KALRN: variants seen among roughly 807,000 people sequenced by gnomAD.
The protein encoded by KALRN is kalirin RhoGEF kinase, also known as kalirin.
A neutral mutation model predicts 353.7 loss-of-function variants in KALRN; 70 were observed. The ratio of observed to expected loss-of-function variants is 0.20; its 90% CI spans 0.16 to 0.24. KALRN has a LOEUF of 0.24. Among genes scored for constraint, KALRN ranks in the 10% least tolerant of loss-of-function variants. The probability of loss-of-function intolerance (pLI) is 1.00; values close to 1 mark genes in which losing one functional copy is unlikely to be tolerated. For synonymous variants in KALRN, 1,391 were observed against 1,434.8 expected, an observed-to-expected ratio of 0.97 and a Z score of 0.69; for missense variants, 2,791 against 3,756.7, an observed-to-expected ratio of 0.74 and a Z score of 6.72.
At chr3:124,160,031 G>T (rs1378982544) in intron 1 of KALRN, among the ~76,000 whole-genome samples, 1 of 151,740 alleles carries the variant, frequency 6.6e-6, no homozygotes, top group Non-Finnish European at 1.5e-5. Context: ...AGGAAGGTGG[G>T]TGTACTGAGT....
At chr3:124,661,789 A>C in intron 44 of KALRN, 62 bp from the exon 45 acceptor site, 2 of 1,314,744 alleles carry the variant, frequency 1.5e-6, no homozygotes, top group Non-Finnish European at 2.2e-6. Flanking sequence ...GCACTGAATT[A>C]CCAAGAGCTT....
chr3:124,642,053 G>C (rs979984315), intron 37 of KALRN, among the ~76,000 whole-genome samples: 1 of 152,226 alleles, frequency 6.6e-6, no homozygotes, highest in Non-Finnish European at 1.5e-5. Flanking sequence ...AGGCCAAAGC[G>C]GGCAGATTGC....
At chr3:124,356,483 G>A (rs1293066525) in intron 10 of KALRN, among the ~76,000 whole-genome samples, 5 of 151,696 alleles carry the variant, frequency 3.3e-5, no homozygotes, top group Admixed American at 2.0e-4. Context: ...ACAGGTGCCC[G>A]CCACCACACT....
At chr3:124,552,283 C>T (rs956527389) in intron 33 of KALRN, among the ~76,000 whole-genome samples, 2 of 152,216 alleles carry the variant, frequency 1.3e-5, no homozygotes, top group African/African-American at 4.8e-5. Context: ...CTTACAGAGG[C>T]AGGTTGTTCC....
intron 1 of KALRN, among the ~76,000 whole-genome samples, chr3:124,091,672 C>T (rs1273634537): frequency 6.6e-6 from 1 of 152,146 alleles, no homozygotes; most frequent in Non-Finnish European, 1.5e-5. Flanking sequence ...TGTTGCTGGC[C>T]TGGTGTCACT....
chr3:124,403,574 G>A (rs1223278394), intron 13 of KALRN, among the ~76,000 whole-genome samples: 1 of 152,196 alleles, frequency 6.6e-6, no homozygotes, highest in African/African-American at 2.4e-5. Context: ...AAAACAAATA[G>A]GGGCCAGGCT....
intron 33 of KALRN, among the ~76,000 whole-genome samples, chr3:124,556,621 C>T (rs560487026): frequency 1.7e-4 from 26 of 152,232 alleles, no homozygotes; most frequent in East Asian, 3.9e-4. Context: ...ACTGTCTATC[C>T]GCTCCCCCAT....
intron 11 of KALRN, 145 bp downstream of exon 11, chr3:124,385,181 T>C (rs2088035696): frequency 1.6e-6 from 1 of 618,790 alleles, no homozygotes; most frequent in African/African-American, 1.8e-5. Flanking sequence ...AACAATTCAT[T>C]CCTGATAGCC....
intron 34 of KALRN, among the ~76,000 whole-genome samples, chr3:124,594,777 C>T (rs1302195403): frequency 1.3e-5 from 2 of 152,098 alleles, no homozygotes; most frequent in East Asian, 3.9e-4. Flanking sequence ...CAGCCTTTAT[C>T]TCTCCTCCCC....
intron 1 of KALRN, among the ~76,000 whole-genome samples, chr3:124,136,642 T>C (rs1322293735): frequency 2.0e-5 from 3 of 152,164 alleles, no homozygotes; most frequent in African/African-American, 7.2e-5. Flanking sequence ...CTTTAGGGTC[T>C]CCTCACAGGG....
intron 1 of KALRN, among the ~76,000 whole-genome samples, chr3:124,166,282 T>A (rs548012072): frequency 2.6e-5 from 4 of 152,304 alleles, no homozygotes; most frequent in Non-Finnish European, 4.4e-5. Context: ...GATAGCGACT[T>A]TGTTTAGTGG....
At chr3:124,446,706 T>A in intron 20 of KALRN, 57 bp from the exon 21 acceptor site, 6 of 1,608,602 alleles carry the variant, frequency 3.7e-6, no homozygotes, top group Non-Finnish European at 5.1e-6. Flanking sequence ...TAGTATGGCA[T>A]GTTTTCCTAC....
intron 5 of KALRN, among the ~76,000 whole-genome samples, chr3:124,280,933 G>C (rs2075281167): frequency 6.6e-6 from 1 of 152,064 alleles, no homozygotes; most frequent in Non-Finnish European, 1.5e-5. Context: ...TTCCCAAGGA[G>C]AGCAAAAGCC....
chr3:124,161,978 A>G (rs1022643457), intron 1 of KALRN, among the ~76,000 whole-genome samples: 1 of 152,212 alleles, frequency 6.6e-6, no homozygotes, highest in Non-Finnish European at 1.5e-5. Flanking sequence ...AAATACTGGG[A>G]CTTGTATTGT....
intron 1 of KALRN, among the ~76,000 whole-genome samples, chr3:124,156,495 G>A (rs920621876): frequency 6.6e-6 from 1 of 152,174 alleles, no homozygotes; most frequent in African/African-American, 2.4e-5. Flanking sequence ...CATGTTAGCT[G>A]AGTATTTTGT....
intron 34 of KALRN, among the ~76,000 whole-genome samples, chr3:124,605,907 T>G (rs775633226): frequency 3.9e-5 from 6 of 152,282 alleles, no homozygotes; most frequent in African/African-American, 1.4e-4. Context: ...TGAAATCCCC[T>G]CTATCCCAAC....
chr3:124,667,453 C>G (rs1441905025), intron 47 of KALRN, among the ~76,000 whole-genome samples: 1 of 152,218 alleles, frequency 6.6e-6, no homozygotes, highest in Non-Finnish European at 1.5e-5. Context: ...ATCACTACCA[C>G]CTGGTACTAA....
intron 33 of KALRN, among the ~76,000 whole-genome samples, chr3:124,520,180 A>G (rs964204846): frequency 6.6e-6 from 1 of 152,132 alleles, no homozygotes; most frequent in East Asian, 1.9e-4. Flanking sequence ...CTCCCCCAGG[A>G]GGGAATGAGG....
At chr3:124,578,351 C>A (rs1236312099) in intron 34 of KALRN, among the ~76,000 whole-genome samples, 3 of 149,966 alleles carry the variant, frequency 2.0e-5, no homozygotes, top group African/African-American at 7.4e-5. Context: ...AGCAATCAGG[C>A]AGTTCATAGA....
Sources: gnomAD v4.1 joint callset for allele counts (sites outside exome capture counted in the v4.1 genomes callset) on GRCh38, gnomAD v4.1.1 for gene constraint, MANE v1.5 for transcripts, NCBI Gene and HGNC (gene_info 2026-07-23, HGNC 2026-07-21) for gene names.